BCL11B: variants seen among roughly 807,000 people sequenced by gnomAD.
BCL11B encodes BCL11 transcription factor B, also known as B-cell lymphoma/leukemia 11B.
Under a neutral mutation model 49.9 loss-of-function variants are expected in BCL11B, and 8 were observed. The observed-to-expected ratio is 0.16, with a 90% CI of 0.09 to 0.29. BCL11B has a LOEUF of 0.29. BCL11B is among the 10% of genes least tolerant of loss of function. BCL11B has a pLI of 1.00. For missense variants in BCL11B, 1,006 were observed against 1,351.0 expected (o/e 0.74, Z 4.00); for synonymous variants, 739 against 637.4 (o/e 1.16, Z -2.40).
chr14:99,239,625 T>G (rs78818462), intron 2 of BCL11B, among the ~76,000 whole-genome samples: 3 of 152,110 alleles, frequency 2.0e-5, no homozygotes, highest in East Asian at 3.8e-4. Flanking sequence ...GTGCCTACAG[T>G]GAGTTTTAAA....
intron 3 of BCL11B, among the ~76,000 whole-genome samples, chr14:99,207,482 C>T (rs1441338023): frequency 6.6e-6 from 1 of 152,198 alleles, no homozygotes; most frequent in African/African-American, 2.4e-5. Flanking sequence ...ACTTCCAGTG[C>T]CCTTCCTGTT....
At chr14:99,270,344 T>C (rs1889626794) in intron 1 of BCL11B, among the ~76,000 whole-genome samples, 1 of 151,924 alleles carries the variant, frequency 6.6e-6, no homozygotes, top group Non-Finnish European at 1.5e-5. Context: ...CGCATCACTC[T>C]CTTCCCACTC....
At chr14:99,204,399 C>T (rs1396596621) in intron 3 of BCL11B, among the ~76,000 whole-genome samples, 2 of 152,220 alleles carry the variant, frequency 1.3e-5, no homozygotes, top group African/African-American at 4.8e-5. Flanking sequence ...AGCACCCGAG[C>T]TCTTCCATCT....
intron 3 of BCL11B, among the ~76,000 whole-genome samples, chr14:99,224,454 C>T (rs1888102625): frequency 6.6e-6 from 1 of 152,200 alleles, no homozygotes. Flanking sequence ...CCCAGGAACA[C>T]TGATGATGTT....
At chr14:99,268,801 T>C (rs753571965) in intron 1 of BCL11B, among the ~76,000 whole-genome samples, 5 of 152,048 alleles carry the variant, frequency 3.3e-5, no homozygotes, top group African/African-American at 1.2e-4. Context: ...TGCCCTCTGG[T>C]CTCCTTCCCC....
At chr14:99,199,698 ACGTGCACGTGTGTGCG>A (rs1566806795) in intron 3 of BCL11B, among the ~76,000 whole-genome samples, 29 of 52,572 alleles carry the variant, frequency 5.5e-4, no homozygotes, top group Non-Finnish European at 2.2e-4. Context: ...GCGCGCGCGC[ACGTGCACGTGTGTGCG>A]TGTGTGCATG....
intron 3 of BCL11B, 111 bp from the exon 4 acceptor site, chr14:99,176,306 CCAGTGCCCTG>C (rs1253131698): frequency 9.6e-7 from 1 of 1,042,578 alleles, no homozygotes; most frequent in African/African-American, 1.7e-5. Context: ...ATCCGGGATC[CCAGTGCCCTG>C]CCTGACAGGG....
chr14:99,216,164 C>G (rs933721845), intron 3 of BCL11B, among the ~76,000 whole-genome samples: 1 of 152,216 alleles, frequency 6.6e-6, no homozygotes, highest in Non-Finnish European at 1.5e-5. Flanking sequence ...TAGAATAAAG[C>G]AGTAAAGTGT....
chr14:99,199,592 T>A (rs544330102), intron 3 of BCL11B, among the ~76,000 whole-genome samples: 2 of 152,102 alleles, frequency 1.3e-5, no homozygotes, highest in South Asian at 4.1e-4. Context: ...CATAATTGAT[T>A]CTTTTTGACT....
chr14:99,208,332 GC>G (rs1887593187), intron 3 of BCL11B, among the ~76,000 whole-genome samples: 1 of 152,132 alleles, frequency 6.6e-6, no homozygotes. Context: ...ACTTCCCTGA[GC>G]CCCAGATCCC....
intron 3 of BCL11B, among the ~76,000 whole-genome samples, chr14:99,223,382 T>C (rs1020222657): frequency 2.0e-5 from 3 of 152,170 alleles, no homozygotes; most frequent in Non-Finnish European, 4.4e-5. Flanking sequence ...ATGTCTATTA[T>C]TTTGTGGAGA....
In BCL11B at chr14:99,174,865, GCCGCCC is replaced by G. The variant is rs1886426508; in HGVS notation, c.1965_1970del (p.Gly656_Gly657del). ...GGAAGGGCTCGGTGCCTGGCGCGAAGCCGCCCCCGCGCCCGTTGACCGCGCCGCCCG... is the reference window on the plus strand; with the variant it reads ...GGAAGGGCTCGGTGCCTGGCGCGAAGCCGCGCCCGTTGACCGCGCCGCCCG... On this transcript the variant is annotated inframe_deletion, in exon 4 of 4. Coordinates refer to ENST00000357195, the MANE Select transcript of BCL11B (RefSeq NM_138576.4). The G allele has an allele frequency of 8.4e-7, 1 of 1,185,688 alleles. No homozygotes were observed. Among genetic ancestry groups the G allele is most frequent in the Admixed American group, 4.7e-5 (1 of 21,344 alleles). 73.4% of individuals were successfully genotyped at this position (1,185,688 alleles called of 1,614,324 possible). A position where few individuals can be genotyped will look rare whatever the true frequency, so the allele number is the denominator to read the frequency against.
chr14:99,215,417 G>A (rs981979722), intron 3 of BCL11B, among the ~76,000 whole-genome samples: 2 of 152,188 alleles, frequency 1.3e-5, no homozygotes, highest in African/African-American at 4.8e-5. Flanking sequence ...TTTCTCCATG[G>A]GGCGCAACAG....
rs902426753 is a variant in BCL11B at position 99,254,212 on chromosome 14, A to G, written c.427+3259T>C. ...TGAATGAATGAATGCCCTCCAGAAA[A>G]CAAAGCTTCAGAAACTTCCTCCCTC... is the stretch of plus-strand genomic sequence containing the variant. On this transcript the variant is annotated intron_variant, in intron 2 of 3. Coordinates refer to ENST00000357195, the MANE Select transcript of BCL11B (RefSeq NM_138576.4). Among the ~76,000 whole-genome samples the G allele has an allele frequency of 3.3e-5, 5 of 152,324 alleles. No individual in the cohort carries two copies. The East Asian group carries it at 9.6e-4, about 29-fold the overall frequency.
chr14:99,194,121 A>G lies in BCL11B; in HGVS notation c.641-17926T>C, dbSNP rs939999403. On this transcript the variant is annotated intron_variant, in intron 3 of 3. Coordinates refer to ENST00000357195, the MANE Select transcript of BCL11B (RefSeq NM_138576.4). This position sits in a 1 kb window ranked among gnomAD's most constrained non-coding sequence, Gnocchi z 4.6. The stretch of plus-strand genomic sequence containing the variant: ...TCGTGAGAAACGTGCATGACCCCAC[A>G]CATGAATTCTCCCAAACATGATGGA... Among the ~76,000 whole-genome samples the G allele has an allele frequency of 6.6e-6, 1 of 152,202 alleles. No individual in the cohort carries two copies.
intron 3 of BCL11B, among the ~76,000 whole-genome samples, chr14:99,202,957 G>A (rs1369088334): frequency 6.6e-6 from 1 of 152,164 alleles, no homozygotes; most frequent in Non-Finnish European, 1.5e-5. Context: ...AGTGCTCTGG[G>A]GTCGGACAGC....
intron 2 of BCL11B, among the ~76,000 whole-genome samples, chr14:99,251,299 C>T (rs757992614): frequency 6.6e-5 from 10 of 152,158 alleles, no homozygotes; most frequent in Non-Finnish European, 1.3e-4. Context: ...TGGATCCCAC[C>T]GGCAGGATCT....
chr14:99,226,069 A>T (rs1888152686), intron 3 of BCL11B, among the ~76,000 whole-genome samples: 3 of 152,252 alleles, frequency 2.0e-5, no homozygotes, highest in South Asian at 4.1e-4. Flanking sequence ...CTTGCACGCC[A>T]GGAAGAGCAA....
chr14:99,251,016 A>G (rs1888994523), intron 2 of BCL11B, among the ~76,000 whole-genome samples: 1 of 152,148 alleles, frequency 6.6e-6, no homozygotes, highest in Non-Finnish European at 1.5e-5. Flanking sequence ...AGGTGGGTCC[A>G]CCGCCTCCCT....
Sources: allele counts gnomAD v4.1 joint callset (sites outside exome capture counted in the v4.1 genomes callset), GRCh38; gene constraint gnomAD v4.1.1; non-coding constraint Gnocchi (gnomAD v3.1); transcripts MANE v1.5; gene names NCBI Gene and HGNC (gene_info 2026-07-23, HGNC 2026-07-21).